The following CSMD1 variants were observed in gnomAD, a reference collection of about 807,000 sequenced individuals.
CSMD1 encodes CUB and Sushi multiple domains 1.
A neutral mutation model predicts 417.5 loss-of-function variants in CSMD1; 213 were observed. The ratio of observed to expected loss-of-function variants is 0.51; its 90% CI spans 0.46 to 0.57. The LOEUF is 0.57. Among genes scored for constraint, CSMD1 ranks in the 20% least tolerant of loss-of-function variants. The probability of loss-of-function intolerance (pLI) is 0.00; values close to 1 mark genes in which losing one functional copy is unlikely to be tolerated. For synonymous variants in CSMD1, 2,862 were observed against 1,736.8 expected (o/e 1.65, Z -16.11); for missense variants, 6,923 against 4,529.7 (o/e 1.53, Z -15.17).
intron 11 of CSMD1, among the ~76,000 whole-genome samples, chr8:3,491,544 G>C (rs937234742): frequency 6.6e-6 from 1 of 152,150 alleles, no homozygotes; most frequent in Non-Finnish European, 1.5e-5. Flanking sequence ...TAGTTGGAAT[G>C]GGCCAGCAGG....
intron 3 of CSMD1, among the ~76,000 whole-genome samples, chr8:4,308,709 G>C (rs1563429001): frequency 6.6e-6 from 1 of 152,298 alleles, no homozygotes; most frequent in African/African-American, 2.4e-5. Flanking sequence ...AATTGCATTT[G>C]CATGATTTAG....
chr8:3,792,235 G>A (rs998491179), intron 5 of CSMD1, among the ~76,000 whole-genome samples: 1 of 152,064 alleles, frequency 6.6e-6, no homozygotes, highest in African/African-American at 2.4e-5. Context: ...CGAGGCTGCA[G>A]GGAGTTATGA....
intron 2 of CSMD1, among the ~76,000 whole-genome samples, chr8:4,450,057 C>T (rs1799046423): frequency 6.6e-6 from 1 of 152,152 alleles, no homozygotes; most frequent in African/African-American, 2.4e-5. Context: ...CACTTTTCTC[C>T]CGGACCAAGG....
At chr8:4,229,911 T>C (rs1801608853) in intron 3 of CSMD1, among the ~76,000 whole-genome samples, 2 of 152,216 alleles carry the variant, frequency 1.3e-5, no homozygotes, top group Admixed American at 6.5e-5. Context: ...TACTCAATAA[T>C]ATTTGTTGAT....
At chr8:3,908,978 C>T (rs981797027) in intron 5 of CSMD1, among the ~76,000 whole-genome samples, 2 of 152,166 alleles carry the variant, frequency 1.3e-5, no homozygotes, top group African/African-American at 4.8e-5. Context: ...ACTACTACTT[C>T]ACTACTACAG....
intron 18 of CSMD1, among the ~76,000 whole-genome samples, chr8:3,370,426 C>G (rs987827671): frequency 6.6e-6 from 1 of 152,196 alleles, no homozygotes; most frequent in Non-Finnish European, 1.5e-5. Flanking sequence ...AGTTGTGAGG[C>G]CTATGGATGT....
chr8:4,274,253 A>G (rs1219509269), intron 3 of CSMD1, among the ~76,000 whole-genome samples: 1 of 152,154 alleles, frequency 6.6e-6, no homozygotes, highest in Non-Finnish European at 1.5e-5. Flanking sequence ...TTTTATTAAC[A>G]CTATACTTCT....
chr8:4,840,249 A>G (rs796764389), intron 1 of CSMD1, among the ~76,000 whole-genome samples: 2 of 62,736 alleles, frequency 3.2e-5, no homozygotes, highest in African/African-American at 4.5e-5. Context: ...GCCAGCTGAT[A>G]GCCCTTTCAG....
chr8:4,070,092 G>T (rs976539561), intron 3 of CSMD1, among the ~76,000 whole-genome samples: 2 of 151,818 alleles, frequency 1.3e-5, no homozygotes, highest in Non-Finnish European at 2.9e-5. Flanking sequence ...TGGAATTAAA[G>T]AAACACCCAA....
chr8:3,303,958 A>C (rs1804612185), intron 25 of CSMD1, among the ~76,000 whole-genome samples: 1 of 151,596 alleles, frequency 6.6e-6, no homozygotes, highest in Admixed American at 6.6e-5. Flanking sequence ...CATTATAATA[A>C]CTATTTTGGG....
At chr8:3,707,587 C>T (rs763158262) in intron 7 of CSMD1, among the ~76,000 whole-genome samples, 1 of 152,170 alleles carries the variant, frequency 6.6e-6, no homozygotes. Flanking sequence ...GAAAAGCAAA[C>T]CCTCAGTGAA....
chr8:4,212,400 C>A (rs564835024), intron 3 of CSMD1, among the ~76,000 whole-genome samples: 2 of 152,090 alleles, frequency 1.3e-5, no homozygotes, highest in East Asian at 1.9e-4. Context: ...GAAAGCCATA[C>A]TTTTCATGTT....
At chr8:4,316,063 T>C (rs1798909856) in intron 3 of CSMD1, among the ~76,000 whole-genome samples, 1 of 152,176 alleles carries the variant, frequency 6.6e-6, no homozygotes, top group Middle Eastern at 3.2e-3. Flanking sequence ...ATATGAATCC[T>C]TGAGTAGAAA....
chr8:3,597,160 C>G (rs111331862), intron 8 of CSMD1, among the ~76,000 whole-genome samples: 2 of 152,168 alleles, frequency 1.3e-5, no homozygotes, highest in African/African-American at 2.4e-5. Context: ...CAGAGGGAAT[C>G]AATGCCCCAG....
chr8:4,328,847 C>A (rs909186956), intron 3 of CSMD1, among the ~76,000 whole-genome samples: 3 of 152,172 alleles, frequency 2.0e-5, no homozygotes, highest in African/African-American at 7.2e-5. Flanking sequence ...GCAATTCTTG[C>A]TAGAATAATT....
At chr8:3,115,980 T>C (rs1816841087) in intron 42 of CSMD1, among the ~76,000 whole-genome samples, 1 of 152,178 alleles carries the variant, frequency 6.6e-6, no homozygotes, top group Non-Finnish European at 1.5e-5. Context: ...AAAATACATG[T>C]TACATGAAGA....
Position 2,957,746 on chromosome 8 carries a change from C to T in CSMD1, c.9764G>A (p.Arg3255His), listed in dbSNP as rs1400192870. Reference sequence around the variant, plus strand: ...CCATGTTAAATTGGCAAGGCAGGTGCGAGTCGTGGAACCTTGAATATGGTA... The same window carrying T: ...CCATGTTAAATTGGCAAGGCAGGTGTGAGTCGTGGAACCTTGAATATGGTA... ...KGYHIQGSTT[R>H]TCLANLTWSG... The change falls in exon 63 of 70, where the codon CGC becomes CAC. Residue 3255 changes from arginine to histidine, a missense_variant. Physicochemically the swap from Arg to His is conservative, Grantham distance 29. Transcript: ENST00000635120. 1.1e-5 allele frequency: 18 copies of T among 1,599,664 alleles called. No homozygotes were observed. Among genetic ancestry groups the T allele is most frequent in the Non-Finnish European group, 1.4e-5 (16 of 1,172,488 alleles).
At chr8:4,754,931 G>A (rs755424443) in intron 1 of CSMD1, among the ~76,000 whole-genome samples, 16 of 152,214 alleles carry the variant, frequency 1.1e-4, no homozygotes, top group Non-Finnish European at 2.1e-4. Flanking sequence ...AAGGTCGGGA[G>A]TTCGAAACCA....
intron 3 of CSMD1, among the ~76,000 whole-genome samples, chr8:4,049,356 A>G (rs112859992): frequency 4.6e-5 from 7 of 152,018 alleles, no homozygotes; most frequent in African/African-American, 1.7e-4. Context: ...CCAAGCTCCT[A>G]GAGTTCTAAC....
Sources: gnomAD v4.1 joint callset for allele counts (sites outside exome capture counted in the v4.1 genomes callset) on GRCh38, gnomAD v4.1.1 for gene constraint, MANE v1.5 for transcripts, NCBI Gene and HGNC (gene_info 2026-07-23, HGNC 2026-07-21) for gene names.